ISY1: variants seen among roughly 807,000 people sequenced by gnomAD.
ISY1 encodes pre-mRNA-splicing factor ISY1 homolog.
In ISY1, 12 loss-of-function variants were observed where a neutral mutation model predicts 54.4. That is an observed-to-expected ratio of 0.22 (90% CI 0.14 to 0.36). ISY1 has a LOEUF of 0.36. Among genes scored for constraint, ISY1 ranks in the 10% least tolerant of loss-of-function variants. The pLI is 1.00. For missense variants in ISY1, 282 were observed against 342.2 expected, an observed-to-expected ratio of 0.82 and a Z score of 1.39; for synonymous variants, 96 against 117.9, an observed-to-expected ratio of 0.81 and a Z score of 1.20.
chr3:129,151,017 CG>C (rs1248262553), intron 5 of ISY1, among the ~76,000 whole-genome samples: 1 of 150,862 alleles, frequency 6.6e-6, no homozygotes, highest in African/African-American at 2.4e-5. Context: ...CCCAGCTACT[CG>C]AGAGGCTGAG....
At chr3:129,149,687 A>G (rs2107614382) in intron 5 of ISY1, among the ~76,000 whole-genome samples, 1 of 136,226 alleles carries the variant, frequency 7.3e-6, no homozygotes, top group African/African-American at 2.7e-5. Context: ...AGTCCCAGCT[A>G]CTTGGGAGGC....
chr3:129,144,582 AG>A (rs1936717882), intron 6 of ISY1, among the ~76,000 whole-genome samples: 1 of 152,258 alleles, frequency 6.6e-6, no homozygotes, highest in Admixed American at 6.5e-5. Context: ...TTCAAAACCA[AG>A]ACCCATTAGT....
At chr3:129,146,233 A>G (rs1936762154) in intron 5 of ISY1, among the ~76,000 whole-genome samples, 1 of 152,188 alleles carries the variant, frequency 6.6e-6, no homozygotes, top group Non-Finnish European at 1.5e-5. Flanking sequence ...CAAAGACACA[A>G]TGAGGCTGGG....
At position 129,130,552 on chromosome 3, in the gene ISY1, C is replaced by G; in HGVS notation, c.748G>C (p.Glu250Gln). 1 of 1,614,086 alleles carries G rather than the reference C, an allele frequency of 6.2e-7. No homozygotes were observed. Among genetic ancestry groups the G allele is most frequent in the Non-Finnish European group, 8.5e-7 (1 of 1,179,998 alleles). ...GCAGCTCTTAGCTGTGGTCCTACCT[C>G]TTGCTGCGAGGGAACAGGGACGTGA... ...IAHVPVPSQQ[E>Q]IEEALVRRKK... Residue 250 changes from glutamate to glutamine, a missense_variant and splice_region_variant, in exon 10 of 11, where the codon GAG becomes CAG. By Grantham distance (29) the Glu-to-Gln change is conservative (BLOSUM62 2). Around this residue, in one of 2 missense-constraint regions of ISY1, gnomAD observed 279 missense variants for 323.6 expected, o/e 0.86. Transcript: ENST00000393295.
At chr3:129,160,856 T>C in intron 1 of ISY1, 117 bp downstream of exon 1, 2 of 1,303,842 alleles carry the variant, frequency 1.5e-6, no homozygotes, top group Non-Finnish European at 2.1e-6. Context: ...ACCAAGGAAC[T>C]TGAAGCCCTC....
At chr3:129,148,524 G>A (rs1455783809) in intron 5 of ISY1, among the ~76,000 whole-genome samples, 1 of 152,068 alleles carries the variant, frequency 6.6e-6, no homozygotes, top group Non-Finnish European at 1.5e-5. Context: ...TTTCCTTTAT[G>A]ACTATTATGT....
chr3:129,157,539 T>C lies in ISY1; in HGVS notation c.79-619A>G, dbSNP rs571595427. On this transcript the variant is annotated intron_variant, in intron 3 of 10. Coordinates refer to ENST00000393295, the MANE Select transcript of ISY1 (RefSeq NM_020701.4). ...TTTGAGACCAGTCTGGCCAACATGGTGAAACCCCATCTCTACTAAAAATAC... is the reference window on the plus strand; with the variant it reads ...TTTGAGACCAGTCTGGCCAACATGGCGAAACCCCATCTCTACTAAAAATAC... Among the ~76,000 whole-genome samples, 103 of 151,892 alleles carry C rather than the reference T, an allele frequency of 6.8e-4. 1 individual carries two copies. The highest frequency in any genetic ancestry group is 1.2e-3 in the Non-Finnish European group (81 of 67,930).
chr3:129,145,991 A>G lies in ISY1; in HGVS notation c.188-118T>C, dbSNP rs147943206. 1.7e-4 allele frequency: 149 copies of G among 887,664 alleles called. 1 individual carries two copies. The East Asian group carries it at 4.1e-3, about 25-fold the overall frequency. 55.0% of individuals were successfully genotyped at this position (887,664 alleles called of 1,614,324 possible). ...GTCAACACCTACAAAGGTATACTACATAAAAACACTCATCTAAATTGATAA... is the reference window on the plus strand; with the variant it reads ...GTCAACACCTACAAAGGTATACTACGTAAAAACACTCATCTAAATTGATAA... On this transcript the variant is annotated intron_variant, in intron 5 of 10. Coordinates refer to ENST00000393295, the MANE Select transcript of ISY1 (RefSeq NM_020701.4).
At chr3:129,137,936 A>C (rs978783271) in intron 7 of ISY1, among the ~76,000 whole-genome samples, 8 of 145,930 alleles carry the variant, frequency 5.5e-5, no homozygotes, top group South Asian at 2.2e-4. Context: ...AAAAAAAAAA[A>C]CTCGAGACCA....
intron 4 of ISY1, 28 bp from the exon 5 acceptor site, chr3:129,156,703 T>C (rs1337188910): frequency 3.2e-6 from 5 of 1,583,396 alleles, no homozygotes; most frequent in Admixed American, 1.8e-5. Context: ...TACATTTTAA[T>C]AATTTTTGAA....
At chr3:129,130,768 A>T (rs1936216840) in intron 9 of ISY1, 132 bp from the exon 10 acceptor site, 1 of 924,018 alleles carries the variant, frequency 1.1e-6, no homozygotes, top group Non-Finnish European at 1.6e-6. Flanking sequence ...TTATAGAAAG[A>T]CACTTGACCC....
intron 3 of ISY1, 108 bp downstream of exon 3, chr3:129,158,400 C>T: frequency 3.4e-6 from 5 of 1,480,780 alleles, no homozygotes; most frequent in Non-Finnish European, 4.6e-6. Flanking sequence ...CTCAAGTGAT[C>T]CACCCACCTC....
chr3:129,148,585 G>C (rs902741989), intron 5 of ISY1, among the ~76,000 whole-genome samples: 2 of 152,118 alleles, frequency 1.3e-5, no homozygotes, highest in African/African-American at 4.8e-5. Context: ...TTTATGTTTT[G>C]AGACAGTCTC....
At chr3:129,147,577 G>C (rs1367556351) in intron 5 of ISY1, among the ~76,000 whole-genome samples, 2 of 151,988 alleles carry the variant, frequency 1.3e-5, no homozygotes, top group Non-Finnish European at 2.9e-5. Flanking sequence ...CCAAAGCAAA[G>C]CCAAGGCATC....
chr3:129,151,701 A>T (rs542190466), intron 5 of ISY1, among the ~76,000 whole-genome samples: 138 of 152,290 alleles, frequency 9.1e-4, no homozygotes, highest in African/African-American at 3.2e-3. Flanking sequence ...TCTAATCTTT[A>T]TGCCTTTTAT....
chr3:129,139,336 G>C (rs1230454750), intron 7 of ISY1, among the ~76,000 whole-genome samples: 3 of 152,116 alleles, frequency 2.0e-5, no homozygotes, highest in African/African-American at 7.2e-5. Context: ...TGCAAAACTA[G>C]CTGTGGAATA....
intron 1 of ISY1, among the ~76,000 whole-genome samples, chr3:129,160,716 T>C (rs1011226177): frequency 2.0e-5 from 3 of 152,200 alleles, no homozygotes; most frequent in African/African-American, 7.2e-5. Flanking sequence ...TGTGTCTTAA[T>C]TTCCCTCAGG....
rs575673801 is a variant in ISY1, at chr3:129,152,445, C to A, written c.187+4188G>T. On this transcript the variant is annotated intron_variant, in intron 5 of 10. Coordinates refer to ENST00000393295, the MANE Select transcript of ISY1 (RefSeq NM_020701.4). Reference sequence around the variant, plus strand: ...TTGAGACGGAGTCTCGCTCTGTCGCCCAGGCTGGAGTGCAGTGGTGCAATC... The same window carrying A: ...TTGAGACGGAGTCTCGCTCTGTCGCACAGGCTGGAGTGCAGTGGTGCAATC... 3.3e-5 allele frequency among the ~76,000 whole-genome samples: 5 copies of A among 152,060 alleles called. No homozygotes were observed. The South Asian group carries it at 1.0e-3, about 32-fold the overall frequency.
intron 8 of ISY1, 115 bp downstream of exon 8, chr3:129,134,717 T>C (rs1487031581): frequency 1.5e-6 from 2 of 1,370,238 alleles, no homozygotes; most frequent in East Asian, 2.9e-5. Context: ...CTGAAGATCA[T>C]TAGCAACAAA....
Sources: gnomAD v4.1 joint callset for allele counts (sites outside exome capture counted in the v4.1 genomes callset) on GRCh38, gnomAD v4.1.1 for gene constraint, gnomAD v4.1.1 regional missense constraint, MANE v1.5 for transcripts, NCBI Gene and HGNC (gene_info 2026-07-23, HGNC 2026-07-21) for gene names.